LAMA3: variants seen among roughly 807,000 people sequenced by gnomAD.
The protein encoded by LAMA3 is laminin subunit alpha-3.
LAMA3 carries 281 observed loss-of-function variants against 402.0 expected under a neutral mutation model. The observed-to-expected ratio is 0.70, with a 90% confidence interval of 0.63 to 0.77. The LOEUF is 0.77. LAMA3 is among the 30% of genes least tolerant of loss of function. LAMA3 has a pLI of 0.00. For missense variants in LAMA3, 3,840 were observed against 4,215.5 expected, an observed-to-expected ratio of 0.91 and a Z score of 2.47; for synonymous variants, 1,431 against 1,558.4, an observed-to-expected ratio of 0.92 and a Z score of 1.93.
At chr18:23,939,471 C>G (rs1324825328) in intron 68 of LAMA3, 85 bp downstream of exon 68, 1 of 1,359,612 alleles carries the variant, frequency 7.4e-7, no homozygotes, top group Non-Finnish European at 1.0e-6. Flanking sequence ...GCCATGACAC[C>G]ATGCAGCTCT....
At chr18:23,711,913 C>G (rs906993911) in intron 1 of LAMA3, among the ~76,000 whole-genome samples, 1 of 152,090 alleles carries the variant, frequency 6.6e-6, no homozygotes, top group Non-Finnish European at 1.5e-5. Context: ...ATAAGCATTC[C>G]CATTTTGGGG....
chr18:23,768,477 A>T (rs2062126909), intron 8 of LAMA3, among the ~76,000 whole-genome samples: 1 of 152,244 alleles, frequency 6.6e-6, no homozygotes, highest in Non-Finnish European at 1.5e-5. Flanking sequence ...ATTATTAAAA[A>T]GTCAAAAAAC....
chr18:23,693,395 T>C (rs372299271), intron 1 of LAMA3, among the ~76,000 whole-genome samples: 3 of 152,342 alleles, frequency 2.0e-5, no homozygotes. Context: ...ACCTATACTG[T>C]TGTTCTTTCT....
chr18:23,952,473 A>G (rs1490220335), intron 73 of LAMA3, among the ~76,000 whole-genome samples: 1 of 152,264 alleles, frequency 6.6e-6, no homozygotes, highest in East Asian at 1.9e-4. Context: ...TATTGGCTAA[A>G]ATACCTTTTG....
At chr18:23,707,632 T>G (rs1304892785) in intron 1 of LAMA3, among the ~76,000 whole-genome samples, 1 of 152,236 alleles carries the variant, frequency 6.6e-6, no homozygotes, top group Non-Finnish European at 1.5e-5. Flanking sequence ...GTGTCTTTGA[T>G]GAAGCAAACT....
chr18:23,842,518 G>T lies in LAMA3; in HGVS notation c.3460G>T (p.Ala1154Ser). The part of the protein sequence containing the change: ...QVSVDGGWPR[A>S]GSFHASFCPH... Reference sequence around the variant, plus strand: ...GTCGGTGGATGGCGGGTGGCCACGGGCAGGTGAGCTGCAGTGAGCAGGCCC... The same window carrying T: ...GTCGGTGGATGGCGGGTGGCCACGGTCAGGTGAGCTGCAGTGAGCAGGCCC... The change falls in exon 28 of 75, where the codon GCA becomes TCA. Residue 1154 changes from alanine to serine, a missense_variant. Physicochemically the swap from Ala to Ser is moderately conservative, Grantham distance 99 (BLOSUM62 1). Around this residue, in one of 3 missense-constraint regions of LAMA3, gnomAD observed 2,109 missense variants for 2,376.0 expected, o/e 0.89. Transcript: ENST00000313654. 6.2e-7 allele frequency: 1 copy of T among 1,614,228 alleles called. No individual in the cohort carries two copies. Among genetic ancestry groups the T allele is most frequent in the Non-Finnish European group, 8.5e-7 (1 of 1,180,052 alleles).
In LAMA3 at chr18:23,846,331, G is replaced by A. The variant is rs180816134; in HGVS notation, c.3754G>A (p.Ala1252Thr). 65 of 1,614,200 alleles carry A rather than the reference G, an allele frequency of 4.0e-5. No individual in the cohort carries two copies. In the Middle Eastern group the frequency reaches 4.9e-4, roughly 12 times the overall value. The part of the protein sequence containing the change: ...QTASRFCKNS[A>T]RSLVAFYHKG... ...AGCCTCCAGATTCTGTAAGAATTCC[G>A]CCAGGTCCCTGGTGGCCTTTTACCA... The change falls in exon 31 of 75, where the codon GCC becomes ACC. Residue 1252 changes from alanine to threonine, a missense_variant. Around this residue, in one of 3 missense-constraint regions of LAMA3, gnomAD observed 2,109 missense variants for 2,376.0 expected, o/e 0.89. Transcript: ENST00000313654.
chr18:23,846,010 A>G (rs1438126893), intron 30 of LAMA3, among the ~76,000 whole-genome samples: 2 of 152,194 alleles, frequency 1.3e-5, no homozygotes, highest in Non-Finnish European at 2.9e-5. Flanking sequence ...TATAATTCAC[A>G]TAACATATAG....
chr18:23,777,708 G>A, intron 11 of LAMA3, 89 bp downstream of exon 11: 1 of 996,034 alleles, frequency 1.0e-6, no homozygotes. Flanking sequence ...CACATCCAAG[G>A]CCAAGTCTCC....
At position 23,692,433 on chromosome 18, in the gene LAMA3, A is replaced by G. The variant is rs187789200; in HGVS notation, c.294+2456A>G. 2.0e-5 allele frequency among the ~76,000 whole-genome samples: 3 copies of G among 152,124 alleles called. No individual in the cohort carries two copies. In the East Asian group the frequency reaches 5.8e-4, roughly 29 times the overall value. On this transcript the variant is annotated intron_variant, in intron 1 of 74. Transcript: ENST00000313654. ...ATTACAGGCGCCTGCCACCACGCCC[A>G]GCTAATTTTTGTATTTTTAGTAGAG...
chr18:23,948,618 G>A (rs2082791983), intron 70 of LAMA3, among the ~76,000 whole-genome samples: 1 of 150,894 alleles, frequency 6.6e-6, no homozygotes, highest in African/African-American at 2.4e-5. Context: ...CACCCAGGCT[G>A]GAGTGCAGTA....
chr18:23,953,032 A>G lies in LAMA3; in HGVS notation c.9779A>G (p.Asp3260Gly), dbSNP rs1157202664. ...QHILHLELDTDSSYTAGQIPF... is the reference protein window; with the variant it reads ...QHILHLELDTGSSYTAGQIPF... ...ATCCTGCACCTGGAACTGGACACAGACAGTAGCTACACAGCTGGACAGATC... is the reference window on the plus strand; with the variant it reads ...ATCCTGCACCTGGAACTGGACACAGGCAGTAGCTACACAGCTGGACAGATC... The change falls in exon 74 of 75, where the codon GAC (aspartate) becomes GGC (glycine). Residue 3260 changes from aspartate (D) to glycine (G), a missense_variant. Asp to Gly is a moderately conservative substitution (Grantham distance 94). Transcript: ENST00000313654. The G allele has an allele frequency of 1.2e-6, 2 of 1,614,142 alleles. No individual in the cohort carries two copies. The highest frequency in any genetic ancestry group is 1.1e-5 in the South Asian group (1 of 91,086).
intron 12 of LAMA3, among the ~76,000 whole-genome samples, chr18:23,789,790 C>T (rs993005080): frequency 5.9e-5 from 9 of 152,098 alleles, no homozygotes; most frequent in African/African-American, 1.9e-4. Flanking sequence ...AAGTTGCACA[C>T]TTTACACTTC....
intron 68 of LAMA3, among the ~76,000 whole-genome samples, chr18:23,942,728 C>T (rs1315625120): frequency 2.0e-5 from 3 of 152,110 alleles, no homozygotes; most frequent in Non-Finnish European, 4.4e-5. Flanking sequence ...ACAGGCACCA[C>T]CACCACGCCC....
intron 6 of LAMA3, among the ~76,000 whole-genome samples, chr18:23,757,209 C>T (rs537137058): frequency 2.0e-5 from 3 of 152,206 alleles, no homozygotes; most frequent in East Asian, 3.9e-4. Context: ...CCCGAACTTT[C>T]GGCAGGCTGG....
At chr18:23,843,481 T>C (rs1357415849) in intron 29 of LAMA3, among the ~76,000 whole-genome samples, 1 of 152,138 alleles carries the variant, frequency 6.6e-6, no homozygotes, top group Non-Finnish European at 1.5e-5. Context: ...CTGCCGTGCC[T>C]CCTGGAGGCA....
intron 2 of LAMA3, among the ~76,000 whole-genome samples, chr18:23,739,433 G>A (rs543891238): frequency 3.3e-4 from 50 of 152,244 alleles, no homozygotes; most frequent in African/African-American, 1.1e-3. Flanking sequence ...AGTGAGCTTC[G>A]TTATGCCCTT....
chr18:23,759,727 A>G (rs138660941), intron 7 of LAMA3, among the ~76,000 whole-genome samples: 1 of 152,324 alleles, frequency 6.6e-6, no homozygotes, highest in East Asian at 1.9e-4. Context: ...AACTATTAGG[A>G]GATAAGACTG....
chr18:23,927,440 A>G (rs897818551), intron 62 of LAMA3, among the ~76,000 whole-genome samples: 2 of 152,184 alleles, frequency 1.3e-5, no homozygotes, highest in Non-Finnish European at 2.9e-5. Flanking sequence ...AAGTGCTGGG[A>G]TTACAGGCAT....
Sources: allele counts gnomAD v4.1 joint callset (sites outside exome capture counted in the v4.1 genomes callset), GRCh38; gene constraint gnomAD v4.1.1; regional missense constraint gnomAD v4.1.1; transcripts MANE v1.5; gene names NCBI Gene and HGNC (gene_info 2026-07-23, HGNC 2026-07-21).